Variants in HTT observed in about 807,000 individuals in gnomAD.
HTT encodes huntingtin.
A neutral mutation model predicts 362.3 loss-of-function variants in HTT; 104 were observed. The ratio of observed to expected loss-of-function variants is 0.29; its 90% CI spans 0.24 to 0.34. The LOEUF (loss-of-function observed/expected upper bound fraction) is 0.34, where lower values mean the gene tolerates loss of function less well. HTT is among the 10% of genes least tolerant of loss of function. HTT has a pLI of 1.00. For missense variants in HTT, 3,301 were observed against 3,928.6 expected, an observed-to-expected ratio of 0.84 and a Z score of 4.27; for synonymous variants, 1,577 against 1,548.7, an observed-to-expected ratio of 1.02 and a Z score of -0.43.
At chr4:3,101,364 C>T (rs1167575885) in intron 3 of HTT, among the ~76,000 whole-genome samples, 1 of 152,176 alleles carries the variant, frequency 6.6e-6, no homozygotes, top group Non-Finnish European at 1.5e-5. Flanking sequence ...GCCATTTCTC[C>T]CTTATGCTTA....
chr4:3,117,181 G>C (rs1274536153), intron 8 of HTT, among the ~76,000 whole-genome samples: 2 of 152,170 alleles, frequency 1.3e-5, no homozygotes, highest in Non-Finnish European at 2.9e-5. Flanking sequence ...GTTCCAACCA[G>C]CTGCCCTTTG....
chr4:3,075,171 C>A (rs1712449582), intron 1 of HTT, 83 bp downstream of exon 1: 1 of 1,151,174 alleles, frequency 8.7e-7, no homozygotes, highest in Non-Finnish European at 1.1e-6. Context: ...AGCCTGCGGG[C>A]CGGCGACACG....
chr4:3,083,956 A>G (rs1045124447), intron 1 of HTT, among the ~76,000 whole-genome samples: 2 of 152,220 alleles, frequency 1.3e-5, no homozygotes, highest in Non-Finnish European at 2.9e-5. Context: ...GATAGCATGC[A>G]ACAGTTTAGG....
At chr4:3,221,533 G>C (rs1411676394) in intron 53 of HTT, among the ~76,000 whole-genome samples, 1 of 152,130 alleles carries the variant, frequency 6.6e-6, no homozygotes, top group Non-Finnish European at 1.5e-5. Flanking sequence ...ATCTGTGTCT[G>C]AATCAGTCCT....
chr4:3,188,727 T>TA, intron 39 of HTT: 2 of 494,558 alleles, frequency 4.0e-6, no homozygotes, highest in Non-Finnish European at 7.3e-6. Context: ...TCACAAAGCT[T>TA]AAAAAAATGC....
intron 46 of HTT, among the ~76,000 whole-genome samples, chr4:3,209,163 G>A (rs373098279): frequency 2.4e-4 from 36 of 152,300 alleles, no homozygotes; most frequent in Non-Finnish European, 3.8e-4. Context: ...ATAGTCGGCC[G>A]TGGCCTGCAG....
At chr4:3,100,027 C>T (rs548955966) in intron 3 of HTT, among the ~76,000 whole-genome samples, 17 of 152,158 alleles carry the variant, frequency 1.1e-4, no homozygotes, top group Admixed American at 2.0e-4. Context: ...GGTCAGAAGG[C>T]GCTATGTTGA....
At chr4:3,156,010 A>C (rs1717127338) in intron 27 of HTT, among the ~76,000 whole-genome samples, 1 of 152,166 alleles carries the variant, frequency 6.6e-6, no homozygotes, top group South Asian at 2.1e-4. Context: ...CTACTCTTTC[A>C]GTGATTTTCT....
At chr4:3,121,192 ACT>A in intron 8 of HTT, 34 bp from the exon 9 acceptor site, 1 of 1,532,394 alleles carries the variant, frequency 6.5e-7, no homozygotes, top group Non-Finnish European at 9.0e-7. Context: ...CATTTTATAA[ACT>A]CTGACCAGAA....
chr4:3,076,979 A>T (rs575351833), intron 1 of HTT, among the ~76,000 whole-genome samples: 2 of 152,216 alleles, frequency 1.3e-5, no homozygotes, highest in African/African-American at 4.8e-5. Context: ...GGAGTTTGAG[A>T]CCAGCCTGGC....
chr4:3,119,450 ATCTT>A (rs1206996548), intron 8 of HTT, among the ~76,000 whole-genome samples: 4 of 152,196 alleles, frequency 2.6e-5, no homozygotes, highest in South Asian at 2.1e-4. Flanking sequence ...TAGTACTGAA[ATCTT>A]TCTTTCTTTC....
In HTT at chr4:3,240,003, C is replaced by G; in HGVS notation, c.9373C>G (p.Pro3125Ala). Residue 3125 changes from proline to alanine, a missense_variant, in exon 67 of 67, where the codon CCA (proline) becomes GCA (alanine). By Grantham distance (27) the Pro-to-Ala change is conservative (BLOSUM62 -1). Coordinates refer to ENST00000355072, the MANE Select transcript of HTT (RefSeq NM_001388492.1). ...TGAGGTGGTTGCAGCCCCAGGAAGC[C>G]CATATCACCGGCTGCTGACTTGTTT... ...VLEVVAAPGSPYHRLLTCLRN... is the reference protein window; with the variant it reads ...VLEVVAAPGSAYHRLLTCLRN... 6.2e-7 allele frequency: 1 copy of G among 1,601,782 alleles called. No homozygotes were observed. The highest frequency in any genetic ancestry group is 1.1e-5 in the South Asian group (1 of 88,488).
intron 5 of HTT, 43 bp downstream of exon 5, chr4:3,105,479 C>T (rs757827368): frequency 8.0e-7 from 1 of 1,244,320 alleles, no homozygotes; most frequent in African/African-American, 1.5e-5. Context: ...CGGGGGCCAG[C>T]TGCTACTGAT....
Position 3,212,137 on chromosome 4 carries a change from T to G in HTT, c.6623T>G (p.Leu2208Arg), listed in dbSNP as rs558864739. The part of the protein sequence containing the change: ...PAAYWSKLND[L>R]FGDAALYQSL... Reference sequence around the variant, plus strand: ...GCCTACTGGAGCAAGTTGAATGATCTGTTTGGTAATTAAAATTAAAATTTA... The same window carrying G: ...GCCTACTGGAGCAAGTTGAATGATCGGTTTGGTAATTAAAATTAAAATTTA... The change falls in exon 48 of 67, where the codon CTG (leucine) becomes CGG (arginine). Residue 2208 changes from leucine (L) to arginine (R), a missense_variant. Leu to Arg is a moderately radical substitution (Grantham distance 102). Coordinates refer to ENST00000355072, the MANE Select transcript of HTT (RefSeq NM_001388492.1). 34 of 1,606,834 alleles carry G rather than the reference T, an allele frequency of 2.1e-5. No homozygotes were observed. The highest frequency in any genetic ancestry group is 1.7e-4 in the Admixed American group (10 of 59,612).
At chr4:3,154,658 A>G (rs1276013924) in intron 27 of HTT, among the ~76,000 whole-genome samples, 1 of 152,366 alleles carries the variant, frequency 6.6e-6, no homozygotes, top group East Asian at 1.9e-4. Flanking sequence ...TACAGCCTCC[A>G]GGCTTCCAGC....
chr4:3,121,980 GGCATTTTAGGTGC>G (rs1434869876), intron 9 of HTT, among the ~76,000 whole-genome samples: 1 of 152,206 alleles, frequency 6.6e-6, no homozygotes, highest in East Asian at 1.9e-4. Context: ...TGCCTCCTGT[GGCATTTTAGGTGC>G]TGAGAAATGA....
At chr4:3,195,749 C>T (rs944408740) in intron 40 of HTT, among the ~76,000 whole-genome samples, 2 of 152,228 alleles carry the variant, frequency 1.3e-5, no homozygotes, top group Admixed American at 6.5e-5. Context: ...TCTTGGTTCA[C>T]GGATGGTTTT....
intron 36 of HTT, among the ~76,000 whole-genome samples, chr4:3,181,608 A>G (rs1718529360): frequency 6.6e-6 from 1 of 152,182 alleles, no homozygotes; most frequent in African/African-American, 2.4e-5. Flanking sequence ...ATAAAGCCAT[A>G]GCTTTTCTCA....
chr4:3,183,801 A>T (rs1339713799), intron 37 of HTT, among the ~76,000 whole-genome samples: 1 of 152,190 alleles, frequency 6.6e-6, no homozygotes, highest in African/African-American at 2.4e-5. Context: ...CTGACTTAAT[A>T]TCTGCCGCAA....
Sources: allele counts gnomAD v4.1 joint callset (sites outside exome capture counted in the v4.1 genomes callset), GRCh38; gene constraint gnomAD v4.1.1; transcripts MANE v1.5; gene names NCBI Gene and HGNC (gene_info 2026-07-23, HGNC 2026-07-21).